The following KL variants were observed in gnomAD, a reference collection of about 807,000 sequenced individuals.
The protein encoded by KL is klotho, also known as alpha-klotho.
A neutral mutation model predicts 84.2 loss-of-function variants in KL; 62 were observed. That is an observed-to-expected ratio of 0.74 (90% CI 0.60 to 0.91). The LOEUF is 0.91. Among genes scored for constraint, KL ranks in the 40% least tolerant of loss-of-function variants. The pLI is 0.00. For synonymous variants in KL, 528 were observed against 528.0 expected, an observed-to-expected ratio of 1.00 and a Z score of 0.00; for missense variants, 1,261 against 1,305.7, an observed-to-expected ratio of 0.97 and a Z score of 0.53.
Position 33,061,625 on chromosome 13 carries a change from C to T in KL, c.2546C>T (p.Pro849Leu), listed in dbSNP as rs1429189447. 1 of 1,614,100 alleles carries T rather than the reference C, an allele frequency of 6.2e-7. No homozygotes were observed. The highest frequency in any genetic ancestry group is 8.5e-7 in the Non-Finnish European group (1 of 1,180,034). ...LNSPSQVAVV[P>L]WGLRKVLNWL... ...TCCCCCAGTCAGGTGGCGGTAGTGC[C>T]CTGGGGGTTGCGCAAAGTGCTGAAC... Residue 849 changes from proline to leucine, a missense_variant, in exon 4 of 5, where the codon CCC becomes CTC. Physicochemically the swap from Pro to Leu is moderately conservative, Grantham distance 98. Coordinates refer to ENST00000380099, the MANE Select transcript of KL (RefSeq NM_004795.4).
At chr13:33,041,223 T>C (rs1871328953) in intron 1 of KL, among the ~76,000 whole-genome samples, 1 of 152,124 alleles carries the variant, frequency 6.6e-6, no homozygotes, top group Non-Finnish European at 1.5e-5. Context: ...GTCTCCTATG[T>C]TGAGAATTGA....
At chr13:33,038,938 T>C (rs1041088666) in intron 1 of KL, among the ~76,000 whole-genome samples, 18 of 152,158 alleles carry the variant, frequency 1.2e-4, no homozygotes, top group Admixed American at 5.9e-4. Context: ...CAAAAAGCAA[T>C]ACATATTTCG....
intron 3 of KL, among the ~76,000 whole-genome samples, chr13:33,056,687 T>G (rs906932919): frequency 2.3e-4 from 34 of 150,612 alleles, no homozygotes; most frequent in African/African-American, 4.4e-4. Context: ...GCACCTGTAG[T>G]CCCAGCTACT....
chr13:33,061,037 G>T lies in KL; in HGVS notation c.1958G>T (p.Arg653Met). 4 of 1,612,088 alleles carry T rather than the reference G, an allele frequency of 2.5e-6. No homozygotes were observed. The highest frequency in any genetic ancestry group is 3.4e-6 in the Non-Finnish European group (4 of 1,178,454). The stretch of plus-strand genomic sequence containing the variant: ...CAAGGACTGCCGCGCCTCCTGGCCA[G>T]GCAGGGCGCCTGGGAGAACCCCTAC... ...PNQGLPRLLARQGAWENPYTA... is the reference protein window; with the variant it reads ...PNQGLPRLLAMQGAWENPYTA... The change falls in exon 4 of 5, where the codon AGG becomes ATG. Residue 653 changes from arginine (R) to methionine (M), a missense_variant. Physicochemically the swap from Arg to Met is moderately conservative, Grantham distance 91. Transcript: ENST00000380099.
intron 1 of KL, among the ~76,000 whole-genome samples, chr13:33,031,497 G>A (rs1593793735): frequency 6.6e-6 from 1 of 152,116 alleles, no homozygotes. Flanking sequence ...TTATTCAAGG[G>A]AAAATTAAAA....
At chr13:33,055,400 G>C in intron 3 of KL, 85 bp downstream of exon 3, 1 of 1,572,094 alleles carries the variant, frequency 6.4e-7, no homozygotes, top group South Asian at 1.1e-5. Flanking sequence ...TGATTGTCAT[G>C]GCACATTGTC....
Position 33,019,732 on chromosome 13 carries a change from T to TGTGAGAGA in KL, c.819+2474_819+2475insTGAGAGAG, listed in dbSNP as rs139721497. On this transcript the variant is annotated intron_variant, in intron 1 of 4. Coordinates refer to ENST00000380099, the MANE Select transcript of KL (RefSeq NM_004795.4). Reference sequence around the variant, plus strand: ...TGGTGTGTGTGTGTGTGTGTGTGTGTGAGAGAGAGAGAGAGAGAGAGAGAG... The same window carrying TGTGAGAGA: ...TGGTGTGTGTGTGTGTGTGTGTGTGTGTGAGAGAGAGAGAGAGAGAGAGAGAGAGAGAG... Among the ~76,000 whole-genome samples, 282 of 133,452 alleles carry TGTGAGAGA rather than the reference T, an allele frequency of 2.1e-3. 2 individuals carry two copies. Among genetic ancestry groups the TGTGAGAGA allele is most frequent in the East Asian group, 0.01 (49 of 4,674 alleles). 87.5% of individuals were successfully genotyped at this position (133,452 alleles called of 152,430 possible).
Position 33,065,894 on chromosome 13 carries a change from C to A in KL, c.*1708C>A, listed in dbSNP as rs1593816074. The A allele has an allele frequency of 5.7e-6, 1 of 175,616 alleles. No homozygotes were observed. Among genetic ancestry groups the A allele is most frequent in the East Asian group, 9.9e-5 (1 of 10,082 alleles). The allele number at this position is 175,616 out of a possible 1,614,324, so 10.9% of individuals were successfully genotyped here. A position where few individuals can be genotyped will look rare whatever the true frequency, so the allele number is the denominator to read the frequency against. ...TTTTTATTATGAAACTTTCCTTTGT[C>A]ATTATTAGTCTTCAAAAGCATGATT... On this transcript the variant is annotated 3_prime_UTR_variant, in exon 5 of 5. Transcript: ENST00000380099.
At chr13:33,060,566 A>G in intron 3 of KL, 113 bp from the exon 4 acceptor site, 1 of 1,178,536 alleles carries the variant, frequency 8.5e-7, no homozygotes, top group Non-Finnish European at 1.3e-6. Context: ...ATTCTCAGCT[A>G]GAAAGGCTTC....
rs747938100 is a variant in KL, at chr13:33,061,603, C to T, written c.2524C>T (p.Pro842Ser). The change falls in exon 4 of 5, where the codon CCC becomes TCC. Residue 842 changes from proline to serine, a missense_variant. Pro to Ser is a moderately conservative substitution (Grantham distance 74, BLOSUM62 -1). Coordinates refer to ENST00000380099, the MANE Select transcript of KL (RefSeq NM_004795.4). Reference protein sequence around the residue: ...EMTDITWLNSPSQVAVVPWGL... With the variant: ...EMTDITWLNSSSQVAVVPWGL... Reference sequence around the variant, plus strand: ...GACCGACATCACGTGGCTCAACTCCCCCAGTCAGGTGGCGGTAGTGCCCTG... The same window carrying T: ...GACCGACATCACGTGGCTCAACTCCTCCAGTCAGGTGGCGGTAGTGCCCTG... 2 of 1,614,170 alleles carry T rather than the reference C, an allele frequency of 1.2e-6. No homozygotes were observed. Among genetic ancestry groups the T allele is most frequent in the Admixed American group, 1.7e-5 (1 of 60,020 alleles).
Position 33,054,142 on chromosome 13 carries a change from TC to T in KL, c.1197del (p.Trp400GlyfsTer43). ...LESPNLRQLLSWIDLEFNHPQ... is the reference protein window; with the variant it reads ...LESPNLRQLLXWIDLEFNHPQ... ...ATCTCCCAACCTGAGGCAACTGCTT[TC>T]CTGGATTGACCTTGAATTTAACCAT... is the stretch of plus-strand genomic sequence containing the variant. On this transcript the variant is annotated frameshift_variant, in exon 2 of 5. Coordinates refer to ENST00000380099, the MANE Select transcript of KL (RefSeq NM_004795.4). LOFTEE classifies it high-confidence loss of function. 6.2e-7 allele frequency: 1 copy of T among 1,614,150 alleles called. No homozygotes were observed. The highest frequency in any genetic ancestry group is 2.2e-5 in the East Asian group (1 of 44,888).
intron 1 of KL, among the ~76,000 whole-genome samples, chr13:33,047,926 TC>T (rs113830671): frequency 1.3e-5 from 2 of 152,112 alleles, no homozygotes; most frequent in African/African-American, 4.8e-5. Context: ...TTAATCCCAT[TC>T]AAAAATTTGT....
intron 1 of KL, among the ~76,000 whole-genome samples, chr13:33,023,663 G>C (rs2138192151): frequency 6.6e-6 from 1 of 152,138 alleles, no homozygotes; most frequent in Non-Finnish European, 1.5e-5. Context: ...AATATTGATT[G>C]AACTTTTGTG....
intron 1 of KL, among the ~76,000 whole-genome samples, chr13:33,048,876 A>G (rs1032925594): frequency 1.3e-5 from 2 of 152,196 alleles, no homozygotes; most frequent in Admixed American, 1.3e-4. Context: ...GAAAATGTCT[A>G]TATGTTCTGT....
rs1300082902 is a variant in KL at position 33,064,114 on chromosome 13, A to AT, written c.2973dup (p.Ala992CysfsTer68). ...CTTTACTGGCTTTCATAGCTTTTCT[A>AT]TTTTTTGCTTCTATTATTTCTCTCT... On this transcript the variant is annotated frameshift_variant, in exon 5 of 5. Transcript: ENST00000380099. LOFTEE classifies it high-confidence loss of function. The AT allele has an allele frequency of 6.2e-7, 1 of 1,613,614 alleles. No homozygotes were observed. The highest frequency in any genetic ancestry group is 8.5e-7 in the Non-Finnish European group (1 of 1,179,856).
chr13:33,031,452 A>G (rs550711228), intron 1 of KL, among the ~76,000 whole-genome samples: 1 of 152,336 alleles, frequency 6.6e-6, no homozygotes, highest in East Asian at 1.9e-4. Flanking sequence ...AATCACATAT[A>G]GAATATTCTG....
chr13:33,049,582 G>C (rs1358492309), intron 1 of KL, among the ~76,000 whole-genome samples: 1 of 152,178 alleles, frequency 6.6e-6, no homozygotes, highest in Non-Finnish European at 1.5e-5. Flanking sequence ...GGGTGTAAGA[G>C]TGAAGGAACT....
At chr13:33,026,418 A>G (rs974102192) in intron 1 of KL, among the ~76,000 whole-genome samples, 8 of 148,440 alleles carry the variant, frequency 5.4e-5, no homozygotes, top group Non-Finnish European at 1.2e-4. Context: ...GAGGACATGC[A>G]TTTTCATATT....
rs1042437460 is a variant in KL at position 33,017,231 on chromosome 13, G to A, written c.791G>A (p.Gly264Glu). The change falls in exon 1 of 5, where the codon GGG becomes GAG. Residue 264 changes from glycine (G) to glutamate (E), a missense_variant. Gly to Glu is a moderately conservative substitution (Grantham distance 98, BLOSUM62 -2). Coordinates refer to ENST00000380099, the MANE Select transcript of KL (RefSeq NM_004795.4). ...APGIRGSPRL[G>E]YLVAHNLLLA... ...GGCATCCGGGGCAGCCCGCGGCTCG[G>A]GTACCTGGTGGCGCACAACCTCCTC... 1.1e-5 allele frequency: 17 copies of A among 1,585,564 alleles called. No homozygotes were observed. Among genetic ancestry groups the A allele is most frequent in the Non-Finnish European group, 1.4e-5 (16 of 1,173,030 alleles).
Sources: allele counts gnomAD v4.1 joint callset (sites outside exome capture counted in the v4.1 genomes callset), GRCh38; gene constraint gnomAD v4.1.1; transcripts MANE v1.5; gene names NCBI Gene and HGNC (gene_info 2026-07-23, HGNC 2026-07-21).